Variants in BRAP observed in about 807,000 individuals in gnomAD.
BRAP encodes BRCA1-associated protein.
Under a neutral mutation model 73.4 loss-of-function variants are expected in BRAP, and 42 were observed. The observed-to-expected ratio is 0.57, with a 90% CI of 0.45 to 0.74. The LOEUF is 0.74. Among genes scored for constraint, BRAP ranks in the 30% least tolerant of loss-of-function variants. BRAP has a pLI of 0.00. For missense variants in BRAP, 593 were observed against 751.4 expected (o/e 0.79, Z 2.46); for synonymous variants, 255 against 267.4 (o/e 0.95, Z 0.45).
At position 111,644,177 on chromosome 12, in the gene BRAP, G is replaced by A. The variant is rs763040743; in HGVS notation, c.*22C>T. The A allele has an allele frequency of 6.3e-7, 1 of 1,598,732 alleles. No individual in the cohort carries two copies. Among genetic ancestry groups the A allele is most frequent in the Non-Finnish European group, 8.5e-7 (1 of 1,175,974 alleles). On this transcript the variant is annotated 3_prime_UTR_variant, in exon 12 of 12. Coordinates refer to ENST00000419234, the MANE Select transcript of BRAP (RefSeq NM_006768.5). Reference sequence around the variant, plus strand: ...CACAGTGTCAGGGAGAACAGTCTCAGGGATGTCTGTTGCTCTGAAGGTCAC... The same window carrying A: ...CACAGTGTCAGGGAGAACAGTCTCAAGGATGTCTGTTGCTCTGAAGGTCAC...
chr12:111,655,185 C>T (rs1218359445), intron 10 of BRAP, among the ~76,000 whole-genome samples: 1 of 152,130 alleles, frequency 6.6e-6, no homozygotes, highest in Non-Finnish European at 1.5e-5. Context: ...TTTAGAAAGG[C>T]TCTGCGCCAT....
At chr12:111,673,510 G>GAAAAAAA (rs11350832) in intron 4 of BRAP, among the ~76,000 whole-genome samples, 2 of 118,158 alleles carry the variant, frequency 1.7e-5, no homozygotes, top group African/African-American at 3.2e-5. Context: ...ATCTCAAAAA[G>GAAAAAAA]AAAAAAAAAA....
At position 111,644,453 on chromosome 12, in the gene BRAP, T is replaced by G. The variant is rs1367442341; in HGVS notation, c.1525A>C (p.Lys509Gln). ...ANQVLLQNKLKEEERVLKETC... is the reference protein window; with the variant it reads ...ANQVLLQNKLQEEERVLKETC... ...TCCTTCAGCACCCTCTCCTCCTCTT[T>G]TAGCTTGTTCTGCAGGAGGACTTGG... is the stretch of plus-strand genomic sequence containing the variant. The change falls in exon 12 of 12, where the codon AAA (lysine) becomes CAA (glutamine). Residue 509 changes from lysine (K) to glutamine (Q), a missense_variant. Coordinates refer to ENST00000419234, the MANE Select transcript of BRAP (RefSeq NM_006768.5). 1.2e-6 allele frequency: 2 copies of G among 1,614,134 alleles called. No individual in the cohort carries two copies. Among genetic ancestry groups the G allele is most frequent in the Admixed American group, 1.7e-5 (1 of 60,002 alleles).
chr12:111,666,642 G>C (rs1886956948), intron 5 of BRAP, among the ~76,000 whole-genome samples: 1 of 152,190 alleles, frequency 6.6e-6, no homozygotes, highest in African/African-American at 2.4e-5. Context: ...CCACAACAGG[G>C]TGTGAATTAG....
rs546393305 is a variant in BRAP at position 111,655,110 on chromosome 12, C to G, written c.1311+456G>C. On this transcript the variant is annotated intron_variant, in intron 10 of 11. Transcript: ENST00000419234. ...CTATTTTGTTAAAATTTGAAAACTG[C>G]TGCCCTAGACCTTCAGGGTGAATAA... Among the ~76,000 whole-genome samples the G allele has an allele frequency of 5.6e-4, 86 of 152,224 alleles. 4 individuals are homozygous for G. In the South Asian group the frequency reaches 0.017, roughly 30 times the overall value.
In BRAP at chr12:111,650,051, G is replaced by C; in HGVS notation, c.1312-9C>G. The C allele has an allele frequency of 6.5e-7, 1 of 1,546,708 alleles. No homozygotes were observed. On this transcript the variant is annotated splice_polypyrimidine_tract_variant and intron_variant, in intron 10 of 11. Coordinates refer to ENST00000419234, the MANE Select transcript of BRAP (RefSeq NM_006768.5). ...GTCTTCATGTTGTTAATCTGAAAGA[G>C]CAAAGAGAAATCAGATTCATTTCAC...
rs574753478 is a variant in BRAP at position 111,681,743 on chromosome 12, C to T, written c.337G>A (p.Ala113Thr). The change falls in exon 3 of 12, where the codon GCT (alanine) becomes ACT (threonine). Residue 113 changes from alanine to threonine, a missense_variant. By Grantham distance (58) the Ala-to-Thr change is moderately conservative. Coordinates refer to ENST00000419234, the MANE Select transcript of BRAP (RefSeq NM_006768.5). Reference sequence around the variant, plus strand: ...TGTTTGGACGGAGAATCTGGGGCAGCGTTTATGCATTCCTTACTGTGATCT... The same window carrying T: ...TGTTTGGACGGAGAATCTGGGGCAGTGTTTATGCATTCCTTACTGTGATCT... ...SKDHSKECINAAPDSPSKQLP... is the reference protein window; with the variant it reads ...SKDHSKECINTAPDSPSKQLP... The T allele has an allele frequency of 4.3e-6, 7 of 1,614,098 alleles. No individual in the cohort carries two copies. Among genetic ancestry groups the T allele is most frequent in the East Asian group, 2.2e-5 (1 of 44,876 alleles).
intron 11 of BRAP, among the ~76,000 whole-genome samples, chr12:111,648,853 G>A (rs894029952): frequency 6.6e-6 from 1 of 151,514 alleles, no homozygotes; most frequent in African/African-American, 2.4e-5. Flanking sequence ...GTGAACCCGG[G>A]AGGCGGAGCT....
chr12:111,674,632 T>C (rs1887309108), intron 4 of BRAP, among the ~76,000 whole-genome samples: 1 of 152,040 alleles, frequency 6.6e-6, no homozygotes, highest in South Asian at 2.1e-4. Flanking sequence ...AGGGGCAGAG[T>C]GGCAGCAGGT....
chr12:111,684,173 G>A (rs1468137349), intron 1 of BRAP, among the ~76,000 whole-genome samples: 1 of 152,148 alleles, frequency 6.6e-6, no homozygotes, highest in Non-Finnish European at 1.5e-5. Flanking sequence ...GCAGGGACAA[G>A]GCCTGTTTTG....
chr12:111,681,317 C>G (rs535177158), intron 3 of BRAP, among the ~76,000 whole-genome samples: 2 of 151,838 alleles, frequency 1.3e-5, no homozygotes, highest in Admixed American at 6.6e-5. Context: ...ATGCAGTGAT[C>G]TGAGATCGCG....
At chr12:111,646,728 G>A (rs1385280138) in intron 11 of BRAP, among the ~76,000 whole-genome samples, 7 of 152,084 alleles carry the variant, frequency 4.6e-5, no homozygotes, top group African/African-American at 1.4e-4. Flanking sequence ...AGTCGAGATC[G>A]TGCCACTGCA....
intron 5 of BRAP, among the ~76,000 whole-genome samples, chr12:111,670,574 A>G (rs1592988743): frequency 6.6e-6 from 1 of 152,230 alleles, no homozygotes; most frequent in East Asian, 1.9e-4. Context: ...GCTCACTGCA[A>G]CCTCGGCCTC....
At chr12:111,677,701 T>G (rs1289350136) in intron 4 of BRAP, among the ~76,000 whole-genome samples, 1 of 152,192 alleles carries the variant, frequency 6.6e-6, no homozygotes, top group Non-Finnish European at 1.5e-5. Flanking sequence ...GATTTTCCCA[T>G]GGTTTGCAAA....
chr12:111,666,674 T>C (rs1886958227), intron 5 of BRAP, among the ~76,000 whole-genome samples: 1 of 152,156 alleles, frequency 6.6e-6, no homozygotes, highest in Admixed American at 6.6e-5. Flanking sequence ...GTCTAGATGG[T>C]CAGGAAAGGC....
At chr12:111,671,763 T>C (rs1211361218) in intron 5 of BRAP, among the ~76,000 whole-genome samples, 1 of 148,518 alleles carries the variant, frequency 6.7e-6, no homozygotes, top group African/African-American at 2.5e-5. Flanking sequence ...CGGCTCACTA[T>C]AGCCTGGACC....
intron 3 of BRAP, among the ~76,000 whole-genome samples, chr12:111,680,762 G>A (rs916696235): frequency 2.0e-5 from 3 of 152,122 alleles, no homozygotes; most frequent in African/African-American, 7.2e-5. Flanking sequence ...AATAGTCACT[G>A]TTTTCCCAGT....
At chr12:111,676,046 TA>T (rs1420647711) in intron 4 of BRAP, among the ~76,000 whole-genome samples, 98 of 151,942 alleles carry the variant, frequency 6.4e-4, no homozygotes, top group East Asian at 2.0e-4. Flanking sequence ...TTTGATCTTT[TA>T]AAAAAAATTT....
intron 3 of BRAP, among the ~76,000 whole-genome samples, chr12:111,680,583 C>G (rs943322680): frequency 2.6e-5 from 4 of 151,844 alleles, no homozygotes; most frequent in African/African-American, 9.7e-5. Flanking sequence ...ACCTGTGGTC[C>G]CAGCTACTCT....
Sources: allele counts gnomAD v4.1 joint callset (sites outside exome capture counted in the v4.1 genomes callset), GRCh38; gene constraint gnomAD v4.1.1; transcripts MANE v1.5; gene names NCBI Gene and HGNC (gene_info 2026-07-23, HGNC 2026-07-21).